The following SNX19 variants were observed in gnomAD, a reference collection of about 807,000 sequenced individuals.
SNX19 encodes sorting nexin 19.
SNX19 carries 60 observed loss-of-function variants against 85.2 expected under a neutral mutation model. That is an observed-to-expected ratio of 0.70 (90% CI 0.57 to 0.87). SNX19 has a LOEUF of 0.87. Among genes scored for constraint, SNX19 ranks in the 40% least tolerant of loss-of-function variants. The pLI is 0.00. For missense variants in SNX19, 1,201 were observed against 1,217.8 expected, an observed-to-expected ratio of 0.99 and a Z score of 0.21; for synonymous variants, 520 against 470.0, an observed-to-expected ratio of 1.11 and a Z score of -1.38.
At chr11:130,911,535 G>T (rs931307990) in intron 2 of SNX19, 98 bp downstream of exon 2, 1 of 1,565,000 alleles carries the variant, frequency 6.4e-7, no homozygotes, top group African/African-American at 1.4e-5. Flanking sequence ...CCTTGAAACG[G>T]CATTCTCCTC....
intron 4 of SNX19, among the ~76,000 whole-genome samples, chr11:130,909,088 A>G (rs374146799): frequency 2.0e-5 from 3 of 152,222 alleles, no homozygotes; most frequent in Admixed American, 6.5e-5. Flanking sequence ...CTCCAGGATC[A>G]CAGAACTGTA....
At chr11:130,884,118 T>C (rs1943881836) in intron 8 of SNX19, among the ~76,000 whole-genome samples, 1 of 152,184 alleles carries the variant, frequency 6.6e-6, no homozygotes, top group Non-Finnish European at 1.5e-5. Context: ...CTCCCTTTCA[T>C]CCCTACCTTC....
rs58519500 is a variant in SNX19, at chr11:130,895,627, T to C, written c.2573+7628A>G. On this transcript the variant is annotated intron_variant, in intron 8 of 10. Transcript: ENST00000265909. ...ACTTGGAAAAAAAGGCTCTGAGGTT[T>C]AAATACCTCATGATATTCTGTTTTT... is the stretch of plus-strand genomic sequence containing the variant. Among the ~76,000 whole-genome samples, 759 of 152,352 alleles carry C rather than the reference T, an allele frequency of 5.0e-3. 10 individuals carry two copies. The highest frequency in any genetic ancestry group is 0.017 in the African/African-American group (725 of 41,592).
At chr11:130,888,206 T>C (rs1220297686) in intron 8 of SNX19, among the ~76,000 whole-genome samples, 1 of 152,218 alleles carries the variant, frequency 6.6e-6, no homozygotes, top group Non-Finnish European at 1.5e-5. Flanking sequence ...TGGCTTTAGA[T>C]TATCATTCTA....
intron 8 of SNX19, among the ~76,000 whole-genome samples, chr11:130,886,510 T>C (rs1271149005): frequency 1.3e-5 from 2 of 152,024 alleles, no homozygotes; most frequent in Non-Finnish European, 1.5e-5. Context: ...ATGCTCCCCA[T>C]CTCCACCCAC....
chr11:130,890,221 A>C (rs942643883), intron 8 of SNX19, among the ~76,000 whole-genome samples: 5 of 152,148 alleles, frequency 3.3e-5, no homozygotes, highest in Non-Finnish European at 5.9e-5. Flanking sequence ...ATAATCATTT[A>C]AATAGTCACT....
chr11:130,888,824 A>G (rs546074120), intron 8 of SNX19, among the ~76,000 whole-genome samples: 24 of 152,208 alleles, frequency 1.6e-4, no homozygotes, highest in Admixed American at 2.6e-4. Flanking sequence ...ACAGGTTTAA[A>G]TGTACAAACT....
intron 4 of SNX19, among the ~76,000 whole-genome samples, chr11:130,909,594 T>C (rs757223418): frequency 6.6e-6 from 1 of 152,188 alleles, no homozygotes; most frequent in Admixed American, 6.5e-5. Context: ...CGGAGAACCA[T>C]GACACCACTC....
At position 130,880,643 on chromosome 11, in the gene SNX19, T is replaced by G; in HGVS notation, c.2737A>C (p.Ser913Arg). ...TTACCTGGGAGGACTCCCATCAGGCTCTGCAAAGCCTGTTTCTCAGCAGCC... is the reference window on the plus strand; with the variant it reads ...TTACCTGGGAGGACTCCCATCAGGCGCTGCAAAGCCTGTTTCTCAGCAGCC... Reference protein sequence around the residue: ...KLAAEKQALQSLMGVLPDLVV... With the variant: ...KLAAEKQALQRLMGVLPDLVV... The change falls in exon 9 of 11, where the codon AGC (serine) becomes CGC (arginine). Residue 913 changes from serine (S) to arginine (R), a missense_variant. Ser to Arg is a moderately radical substitution (Grantham distance 110, BLOSUM62 -1). This residue lies in a region of SNX19 where 285 missense variants were observed against 295.3 expected (regional missense o/e 0.97). Coordinates refer to ENST00000265909, the MANE Select transcript of SNX19 (RefSeq NM_014758.3). 1 of 1,601,146 alleles carries G rather than the reference T, an allele frequency of 6.2e-7. No homozygotes were observed. Among genetic ancestry groups the G allele is most frequent in the Non-Finnish European group, 8.5e-7 (1 of 1,169,740 alleles).
rs1399271798 is a variant in SNX19, at chr11:130,873,366, G to A, written c.*5056C>T. The stretch of plus-strand genomic sequence containing the variant: ...AGTATTTAGTCTCCAGACCTTTACA[G>A]AGAAAGTTTGCTGGCTCCTATACTA... On this transcript the variant is annotated 3_prime_UTR_variant, in exon 11 of 11. Transcript: ENST00000265909. Among the ~76,000 whole-genome samples the A allele has an allele frequency of 6.6e-6, 1 of 152,192 alleles. No individual in the cohort carries two copies. Among genetic ancestry groups the A allele is most frequent in the African/African-American group, 2.4e-5 (1 of 41,460 alleles).
At chr11:130,897,393 C>A (rs559778007) in intron 8 of SNX19, among the ~76,000 whole-genome samples, 1 of 152,180 alleles carries the variant, frequency 6.6e-6, no homozygotes, top group East Asian at 1.9e-4. Flanking sequence ...CACACAGACA[C>A]ACACACACAC....
chr11:130,898,212 C>T (rs1441202343), intron 8 of SNX19, among the ~76,000 whole-genome samples: 3 of 151,362 alleles, frequency 2.0e-5, no homozygotes, highest in Non-Finnish European at 4.4e-5. Context: ...AAGTCTATGG[C>T]GTCCAAGGCA....
rs1464208818 is a variant in SNX19, at chr11:130,914,574, T to C, written c.1366A>G (p.Ile456Val). The change falls in exon 1 of 11, where the codon ATA becomes GTA. Residue 456 changes from isoleucine (I) to valine (V), a missense_variant. This residue lies in a region of SNX19 where 791 missense variants were observed against 750.9 expected (regional missense o/e 1.05). Transcript: ENST00000265909. ...EIHIDTADKE[I>V]EQGDVTASVT... ...GAGGCGGTAACATCTCCTTGTTCTATCTCCTTGTCTGCTGTGTCAATATGG... is the reference window on the plus strand; with the variant it reads ...GAGGCGGTAACATCTCCTTGTTCTACCTCCTTGTCTGCTGTGTCAATATGG... The C allele has an allele frequency of 3.1e-6, 5 of 1,613,948 alleles. No homozygotes were observed. The highest frequency in any genetic ancestry group is 1.3e-5 in the African/African-American group (1 of 75,034).
chr11:130,878,635 C>T, intron 10 of SNX19, 81 bp from the exon 11 acceptor site: 6 of 1,498,140 alleles, frequency 4.0e-6, no homozygotes, highest in Non-Finnish European at 4.5e-6. Flanking sequence ...ATTTTCTCCT[C>T]CCCCATCACC....
intron 1 of SNX19, 24 bp downstream of exon 1, chr11:130,914,242 C>T: frequency 1.3e-6 from 2 of 1,513,146 alleles, no homozygotes; most frequent in Non-Finnish European, 1.8e-6. Flanking sequence ...CCCGGGTGAG[C>T]ACCCACAGCT....
chr11:130,915,247 A>G lies in SNX19; in HGVS notation c.693T>C (p.Thr231=), dbSNP rs1170442605. Residue 231 remains threonine, a synonymous_variant, in exon 1 of 11, where the codon ACT becomes ACC. Coordinates refer to ENST00000265909, the MANE Select transcript of SNX19 (RefSeq NM_014758.3). ...QGLVPKPHLE[T]RTGRHVVVEL... is the part of the protein sequence containing the mutation. ...CGACCACTACATGGCGTCCGGTACG[A>G]GTCTCCAAGTGGGGCTTGGGCACCA... 1.2e-6 allele frequency: 2 copies of G among 1,614,252 alleles called. No homozygotes were observed. Among genetic ancestry groups the G allele is most frequent in the Non-Finnish European group, 1.7e-6 (2 of 1,180,052 alleles).
Position 130,910,126 on chromosome 11 carries a change from G to A in SNX19, c.1926C>T (p.Ala642=), listed in dbSNP as rs767381380. The A allele has an allele frequency of 1.9e-6, 3 of 1,614,004 alleles. No individual in the cohort carries two copies. In the East Asian group the frequency reaches 6.7e-5, roughly 36 times the overall value. The part of the protein sequence containing the change: ...LLESFLKQLC[A]IPEIANSEEV... Reference sequence around the variant, plus strand: ...CCTCACTGTTAGCGATCTCCGGAATGGCACAGAGTTGCTGCAAAAGTAAAA... The same window carrying A: ...CCTCACTGTTAGCGATCTCCGGAATAGCACAGAGTTGCTGCAAAAGTAAAA... Residue 642 remains alanine (A), a synonymous_variant, in exon 4 of 11, where the codon GCC becomes GCT. Coordinates refer to ENST00000265909, the MANE Select transcript of SNX19 (RefSeq NM_014758.3).
At chr11:130,896,194 T>C (rs572499838) in intron 8 of SNX19, among the ~76,000 whole-genome samples, 44 of 152,318 alleles carry the variant, frequency 2.9e-4, no homozygotes, top group African/African-American at 1.0e-3. Context: ...AAGCTGTGCA[T>C]AGGAAGAGAT....
intron 8 of SNX19, among the ~76,000 whole-genome samples, chr11:130,889,371 C>A (rs1264804859): frequency 2.0e-5 from 3 of 152,000 alleles, no homozygotes. Context: ...ATTGGTTGAG[C>A]TTCTTGTAAA....
Sources: allele counts gnomAD v4.1 joint callset (sites outside exome capture counted in the v4.1 genomes callset), GRCh38; gene constraint gnomAD v4.1.1; regional missense constraint gnomAD v4.1.1; transcripts MANE v1.5; gene names NCBI Gene and HGNC (gene_info 2026-07-23, HGNC 2026-07-21).